HS6ST3: variants seen among roughly 807,000 people sequenced by gnomAD.
The protein encoded by HS6ST3 is heparan sulfate 6-O-sulfotransferase 3, also known as heparan-sulfate 6-O-sulfotransferase 3.
In HS6ST3, 12 loss-of-function variants were observed where a neutral mutation model predicts 36.7. The ratio of observed to expected loss-of-function variants is 0.33; its 90% CI spans 0.21 to 0.53. The LOEUF is 0.53. Among genes scored for constraint, HS6ST3 ranks in the 20% least tolerant of loss-of-function variants. HS6ST3 has a pLI of 0.95. For missense variants in HS6ST3, 584 were observed against 640.9 expected, an observed-to-expected ratio of 0.91 and a Z score of 0.96; for synonymous variants, 240 against 257.5, an observed-to-expected ratio of 0.93 and a Z score of 0.65.
At chr13:96,189,900 T>C (rs1211849840) in intron 1 of HS6ST3, among the ~76,000 whole-genome samples, 1 of 152,106 alleles carries the variant, frequency 6.6e-6, no homozygotes, top group African/African-American at 2.4e-5. Context: ...TTCCACAGGG[T>C]GGAGGTAGGG....
intron 1 of HS6ST3, among the ~76,000 whole-genome samples, chr13:96,445,340 A>T (rs2055692978): frequency 2.0e-5 from 3 of 152,166 alleles, no homozygotes; most frequent in African/African-American, 4.8e-5. Flanking sequence ...TCCAAGGTAT[A>T]TGACAGCTAA....
intron 1 of HS6ST3, among the ~76,000 whole-genome samples, chr13:96,595,460 TTCTC>T (rs984709531): frequency 8.6e-5 from 13 of 151,436 alleles, no homozygotes; most frequent in Middle Eastern, 3.4e-3. Flanking sequence ...AGGATTTTTT[TTCTC>T]TCTCTCTCTC....
At chr13:96,280,045 G>A (rs2054767825) in intron 1 of HS6ST3, among the ~76,000 whole-genome samples, 1 of 152,126 alleles carries the variant, frequency 6.6e-6, no homozygotes. Context: ...GGGTTTGTCA[G>A]CCCTTTGCCT....
intron 1 of HS6ST3, among the ~76,000 whole-genome samples, chr13:96,259,550 T>C (rs2054654044): frequency 6.6e-6 from 1 of 152,216 alleles, no homozygotes; most frequent in African/African-American, 2.4e-5. Flanking sequence ...GCAGCAATTC[T>C]TCAATATTTG....
chr13:96,592,038 A>C (rs937150991), intron 1 of HS6ST3, among the ~76,000 whole-genome samples: 1 of 152,140 alleles, frequency 6.6e-6, no homozygotes, highest in Non-Finnish European at 1.5e-5. Flanking sequence ...TGCATCCCTG[A>C]GATAAATCCC....
chr13:96,250,409 G>A (rs1300568198), intron 1 of HS6ST3, among the ~76,000 whole-genome samples: 2 of 152,178 alleles, frequency 1.3e-5, no homozygotes, highest in East Asian at 1.9e-4. Context: ...GCATTACCTG[G>A]TGGGCCTTGG....
intron 1 of HS6ST3, among the ~76,000 whole-genome samples, chr13:96,486,828 A>G (rs1474466168): frequency 3.9e-5 from 6 of 152,142 alleles, no homozygotes; most frequent in African/African-American, 1.4e-4. Flanking sequence ...GATGTGACCT[A>G]TGATACCCTC....
At chr13:96,304,814 A>G (rs1447415568) in intron 1 of HS6ST3, among the ~76,000 whole-genome samples, 1 of 149,970 alleles carries the variant, frequency 6.7e-6, no homozygotes, top group African/African-American at 2.5e-5. Flanking sequence ...GGGTTCAAGC[A>G]ATTCTCCTGC....
intron 1 of HS6ST3, among the ~76,000 whole-genome samples, chr13:96,124,084 G>C (rs548824564): frequency 4.8e-4 from 73 of 152,262 alleles, no homozygotes; most frequent in African/African-American, 1.7e-3. Context: ...GCATTTTAGC[G>C]CTCATATTTT....
chr13:96,362,063 T>TAATA (rs968122382), intron 1 of HS6ST3, among the ~76,000 whole-genome samples: 41 of 152,048 alleles, frequency 2.7e-4, no homozygotes, highest in Non-Finnish European at 5.4e-4. Context: ...CAGTGCTAGG[T>TAATA]AATAGGTGAG....
intron 1 of HS6ST3, among the ~76,000 whole-genome samples, chr13:96,263,524 T>G (rs914107231): frequency 1.3e-5 from 2 of 152,208 alleles, no homozygotes; most frequent in Non-Finnish European, 2.9e-5. Context: ...AATAATGATG[T>G]GTTTGGGAAT....
In HS6ST3 at chr13:96,262,149, A is replaced by G. The variant is rs192823855; in HGVS notation, c.707+170580A>G. Among the ~76,000 whole-genome samples the G allele has an allele frequency of 2.6e-3, 397 of 152,344 alleles. 2 individuals are homozygous for G. Among genetic ancestry groups the G allele is most frequent in the African/African-American group, 9.2e-3 (384 of 41,586 alleles). On this transcript the variant is annotated intron_variant, in intron 1 of 1. Coordinates refer to ENST00000376705, the MANE Select transcript of HS6ST3 (RefSeq NM_153456.4). ...GATATCAACATCATCACAACTAGGT[A>G]TCTTTATCCCCAGGAAATTAAGAAG...
chr13:96,687,287 T>C (rs1198008945), intron 1 of HS6ST3, among the ~76,000 whole-genome samples: 1 of 152,014 alleles, frequency 6.6e-6, no homozygotes, highest in Non-Finnish European at 1.5e-5. Context: ...TTAAAAGTTT[T>C]TTGTGGTGGA....
intron 1 of HS6ST3, among the ~76,000 whole-genome samples, chr13:96,207,985 TAAAGTA>T (rs1283063575): frequency 6.6e-6 from 1 of 152,136 alleles, no homozygotes; most frequent in Non-Finnish European, 1.5e-5. Context: ...CACCAGAACT[TAAAGTA>T]AAAGTTGAAG....
At chr13:96,545,109 CAT>C (rs764533113) in intron 1 of HS6ST3, among the ~76,000 whole-genome samples, 1 of 152,068 alleles carries the variant, frequency 6.6e-6, no homozygotes, top group African/African-American at 2.4e-5. Flanking sequence ...GTCTTGCTGG[CAT>C]TATTTATGCA....
intron 1 of HS6ST3, among the ~76,000 whole-genome samples, chr13:96,696,423 C>T (rs2138448993): frequency 6.6e-6 from 1 of 152,268 alleles, no homozygotes; most frequent in East Asian, 1.9e-4. Flanking sequence ...TGTGGCCTGG[C>T]CAAGTTGACA....
intron 1 of HS6ST3, among the ~76,000 whole-genome samples, chr13:96,221,394 G>A (rs1485170981): frequency 1.3e-5 from 2 of 152,148 alleles, no homozygotes; most frequent in Admixed American, 1.3e-4. Flanking sequence ...CCCAGCTATA[G>A]AATTCAAGCT....
chr13:96,683,189 A>G (rs1193076800), intron 1 of HS6ST3, among the ~76,000 whole-genome samples: 1 of 152,110 alleles, frequency 6.6e-6, no homozygotes, highest in Non-Finnish European at 1.5e-5. Flanking sequence ...ACACTCCTTC[A>G]TCTAGCTAGA....
chr13:96,365,192 T>C (rs2055257100), intron 1 of HS6ST3, among the ~76,000 whole-genome samples: 1 of 152,184 alleles, frequency 6.6e-6, no homozygotes, highest in Admixed American at 6.5e-5. Flanking sequence ...AGAGATGTTT[T>C]AGATGTACTT....
Sources: gnomAD v4.1 joint callset for allele counts (sites outside exome capture counted in the v4.1 genomes callset) on GRCh38, gnomAD v4.1.1 for gene constraint, MANE v1.5 for transcripts, NCBI Gene and HGNC (gene_info 2026-07-23, HGNC 2026-07-21) for gene names.